Variants in SVEP1 observed in about 807,000 individuals in gnomAD.
The protein encoded by SVEP1 is sushi, von Willebrand factor type A, EGF and pentraxin domain-containing protein 1.
SVEP1 carries 164 observed loss-of-function variants against 367.3 expected under a neutral mutation model. The ratio of observed to expected loss-of-function variants is 0.45; its 90% CI spans 0.39 to 0.51. The LOEUF is 0.51. Ranked by LOEUF, SVEP1 falls within the 20% of genes least tolerant of loss-of-function variation. SVEP1 has a pLI of 0.00. For synonymous variants in SVEP1, 1,666 were observed against 1,611.6 expected (o/e 1.03, Z -0.81); for missense variants, 4,117 against 4,425.3 (o/e 0.93, Z 1.98).
chr9:110,472,075 T>C, intron 15 of SVEP1, 84 bp downstream of exon 15: 2 of 1,339,880 alleles, frequency 1.5e-6, no homozygotes, highest in East Asian at 2.3e-5. Context: ...CTAATAATGA[T>C]AACAAATGGA....
At chr9:110,564,353 T>C (rs780620204) in intron 1 of SVEP1, among the ~76,000 whole-genome samples, 4 of 152,154 alleles carry the variant, frequency 2.6e-5, no homozygotes, top group African/African-American at 7.2e-5. Context: ...ATACTTACCA[T>C]AAAGAAAAAG....
At chr9:110,503,760 C>A (rs943267957) in intron 5 of SVEP1, among the ~76,000 whole-genome samples, 13 of 152,190 alleles carry the variant, frequency 8.5e-5, no homozygotes, top group Non-Finnish European at 1.5e-4. Context: ...GTTCTTCCAG[C>A]TTTTTCACTT....
At chr9:110,377,164 C>A in intron 45 of SVEP1, 107 bp downstream of exon 45, 1 of 964,390 alleles carries the variant, frequency 1.0e-6, no homozygotes, top group Non-Finnish European at 1.6e-6. Flanking sequence ...GGACTTACAG[C>A]AAATGAATTC....
intron 36 of SVEP1, among the ~76,000 whole-genome samples, chr9:110,414,565 A>T (rs1261430342): frequency 6.6e-6 from 1 of 152,088 alleles, no homozygotes; most frequent in Non-Finnish European, 1.5e-5. Context: ...AACACATCTT[A>T]GGATAAACTG....
intron 40 of SVEP1, among the ~76,000 whole-genome samples, chr9:110,395,337 G>C (rs1405856964): frequency 6.6e-6 from 1 of 152,098 alleles, no homozygotes; most frequent in Non-Finnish European, 1.5e-5. Context: ...TGCCCTAAAA[G>C]AGCTCCTGAA....
At chr9:110,556,649 C>G in intron 1 of SVEP1, among the ~76,000 whole-genome samples, 1 of 152,040 alleles carries the variant, frequency 6.6e-6, no homozygotes, top group East Asian at 1.9e-4. Context: ...CACGTGCCAC[C>G]ACGCCCAGCT....
chr9:110,410,837 A>G (rs1828033536), intron 37 of SVEP1, among the ~76,000 whole-genome samples: 1 of 152,238 alleles, frequency 6.6e-6, no homozygotes. Flanking sequence ...TTACCTCCAG[A>G]AAGTGATTCA....
chr9:110,411,533 G>T lies in SVEP1; in HGVS notation c.6178C>A (p.Leu2060Ile). 6.2e-7 allele frequency: 1 copy of T among 1,614,030 alleles called. No homozygotes were observed. The highest frequency in any genetic ancestry group is 8.5e-7 in the Non-Finnish European group (1 of 1,179,900). ...ACCCACTTGCCCTGGGCATTGCAGA[G>T]AAGCTGGGAATTGTCTGCTAGGCTG... is the stretch of plus-strand genomic sequence containing the variant. ...GYSLADNSQLLCNAQGKWVPP... is the reference protein window; with the variant it reads ...GYSLADNSQLICNAQGKWVPP... The change falls in exon 37 of 48, where the codon CTC (leucine) becomes ATC (isoleucine). Residue 2060 changes from leucine (L) to isoleucine (I), a missense_variant. This residue lies in a region of SVEP1 where 2,174 missense variants were observed against 2,494.3 expected (regional missense o/e 0.87). Transcript: ENST00000374469.
In SVEP1 at chr9:110,377,256, T is replaced by C. The variant is rs1827362969; in HGVS notation, c.10504+15A>G. 1 of 1,611,816 alleles carries C rather than the reference T, an allele frequency of 6.2e-7. No homozygotes were observed. The highest frequency in any genetic ancestry group is 1.3e-5 in the African/African-American group (1 of 75,026). On this transcript the variant is annotated intron_variant, in intron 45 of 47. Transcript: ENST00000374469. ...ATTTGTCAGGACTCAAAGTAAGATC[T>C]GAAGAGCAACTCACGTTCTTCACAG...
chr9:110,389,043 T>C (rs1414604967), intron 41 of SVEP1, among the ~76,000 whole-genome samples: 1 of 152,206 alleles, frequency 6.6e-6, no homozygotes, highest in East Asian at 1.9e-4. Context: ...GGGATAAAGT[T>C]ATGTGCATTA....
intron 3 of SVEP1, among the ~76,000 whole-genome samples, chr9:110,541,821 CTATATATATCTATATACATAGATATCTA>C (rs1156307954): frequency 1.4e-5 from 2 of 138,042 alleles, no homozygotes; most frequent in Non-Finnish European, 3.1e-5. Context: ...ACATAGATAT[CTATATATATCTATATACATAGATATCTA>C]TATATATCTA....
chr9:110,572,050 A>T (rs1228468304), intron 1 of SVEP1, among the ~76,000 whole-genome samples: 2 of 152,154 alleles, frequency 1.3e-5, no homozygotes, highest in African/African-American at 4.8e-5. Context: ...AACACTGGAC[A>T]TGGAATCCCC....
At chr9:110,533,594 C>G (rs62573126) in intron 3 of SVEP1, among the ~76,000 whole-genome samples, 4 of 146,606 alleles carry the variant, frequency 2.7e-5, no homozygotes, top group South Asian at 2.2e-4. Flanking sequence ...CTCTGTGTGT[C>G]TGTGTGTGTG....
At chr9:110,539,989 C>G (rs1263422830) in intron 3 of SVEP1, among the ~76,000 whole-genome samples, 1 of 151,992 alleles carries the variant, frequency 6.6e-6, no homozygotes, top group Non-Finnish European at 1.5e-5. Flanking sequence ...AGTTCTCAGA[C>G]TTTTAGTTTC....
rs752394715 is a variant in SVEP1 at position 110,435,230 on chromosome 9, G to A, written c.4888+11C>T. Reference sequence around the variant, plus strand: ...GAGATAGTGGAGTCTATGAAAGAAGGAAATTCTCACCAGAACAAAATATGC... The same window carrying A: ...GAGATAGTGGAGTCTATGAAAGAAGAAAATTCTCACCAGAACAAAATATGC... On this transcript the variant is annotated intron_variant, in intron 29 of 47. Coordinates refer to ENST00000374469, the MANE Select transcript of SVEP1 (RefSeq NM_153366.4). 3.7e-6 allele frequency: 6 copies of A among 1,611,696 alleles called. No homozygotes were observed. The highest frequency in any genetic ancestry group is 1.1e-5 in the South Asian group (1 of 90,996).
chr9:110,416,328 AAAAT>A (rs1828120478), intron 36 of SVEP1, among the ~76,000 whole-genome samples: 2 of 152,130 alleles, frequency 1.3e-5, no homozygotes, highest in East Asian at 1.9e-4. Flanking sequence ...AAATGTTTGA[AAAAT>A]AAATAGAAAT....
chr9:110,407,295 G>T lies in SVEP1; in HGVS notation c.8305C>A (p.Arg2769Ser), dbSNP rs774999470. 6.2e-7 allele frequency: 1 copy of T among 1,613,968 alleles called. No individual in the cohort carries two copies. Residue 2769 changes from arginine (R) to serine (S), a missense_variant, in exon 38 of 48, where the codon CGC becomes AGC. Physicochemically the swap from Arg to Ser is moderately radical, Grantham distance 110 (BLOSUM62 -1). Around this residue, in one of 4 missense-constraint regions of SVEP1, gnomAD observed 1,765 missense variants for 1,781.1 expected, o/e 0.99. Coordinates refer to ENST00000374469, the MANE Select transcript of SVEP1 (RefSeq NM_153366.4). ...ENRKWSGASP[R>S]CEAISCKKPN... ...TTTTTGCATGAAATGGCTTCACAGC[G>T]TGGGGAGGCACCACTCCACTTTCTA...
At chr9:110,528,754 A>G in intron 3 of SVEP1, among the ~76,000 whole-genome samples, 1 of 151,810 alleles carries the variant, frequency 6.6e-6, no homozygotes, top group Non-Finnish European at 1.5e-5. Context: ...CCCATTCTGT[A>G]GGTTGTTTAC....
At chr9:110,500,020 T>C (rs1829508287) in intron 6 of SVEP1, among the ~76,000 whole-genome samples, 1 of 152,268 alleles carries the variant, frequency 6.6e-6, no homozygotes, top group Non-Finnish European at 1.5e-5. Context: ...AATCATATGC[T>C]GTAAGAAGTA....
Sources: gnomAD v4.1 joint callset for allele counts (sites outside exome capture counted in the v4.1 genomes callset) on GRCh38, gnomAD v4.1.1 for gene constraint, gnomAD v4.1.1 regional missense constraint, MANE v1.5 for transcripts, NCBI Gene and HGNC (gene_info 2026-07-23, HGNC 2026-07-21) for gene names.